The following AFF3 variants were observed in gnomAD, a reference collection of about 807,000 sequenced individuals.
AFF3 encodes ALF transcription elongation factor 3.
AFF3 carries 32 observed loss-of-function variants against 129.7 expected under a neutral mutation model. The observed-to-expected ratio is 0.25, with a 90% CI of 0.19 to 0.33. The LOEUF (loss-of-function observed/expected upper bound fraction) is 0.33. Among genes scored for constraint, AFF3 ranks in the 10% least tolerant of loss-of-function variants. The probability of loss-of-function intolerance (pLI) is 1.00; values close to 1 mark genes in which losing one functional copy is unlikely to be tolerated. For missense variants in AFF3, 1,373 were observed against 1,592.0 expected, an observed-to-expected ratio of 0.86 and a Z score of 2.34; for synonymous variants, 644 against 635.4, an observed-to-expected ratio of 1.01 and a Z score of -0.20.
At chr2:99,684,521 C>A (rs1674854223) in intron 11 of AFF3, among the ~76,000 whole-genome samples, 1 of 152,074 alleles carries the variant, frequency 6.6e-6, no homozygotes, top group Non-Finnish European at 1.5e-5. Flanking sequence ...AAAAAGACTT[C>A]AATGTTCCAT....
intron 14 of AFF3, among the ~76,000 whole-genome samples, chr2:99,595,382 C>G (rs1322953159): frequency 1.3e-5 from 2 of 152,102 alleles, no homozygotes; most frequent in African/African-American, 4.8e-5. Context: ...TTCCCTATGG[C>G]CTTCCACCTT....
intron 13 of AFF3, among the ~76,000 whole-genome samples, chr2:99,605,868 T>TA (rs1680284898): frequency 6.6e-6 from 1 of 151,742 alleles, no homozygotes; most frequent in Non-Finnish European, 1.5e-5. Context: ...TTTTTTTTTT[T>TA]ATAAAGACAG....
At chr2:100,095,459 T>C (rs1363334218) in intron 4 of AFF3, among the ~76,000 whole-genome samples, 2 of 152,228 alleles carry the variant, frequency 1.3e-5, no homozygotes, top group Non-Finnish European at 2.9e-5. Context: ...AGATACCAAC[T>C]ATGGCCCCAA....
chr2:99,830,277 TTAAAG>T (rs1371781686), intron 8 of AFF3, among the ~76,000 whole-genome samples: 1 of 151,250 alleles, frequency 6.6e-6, no homozygotes, highest in African/African-American at 2.4e-5. Context: ...ATCCCAGAGC[TTAAAG>T]TAAAAAAAAA....
intron 7 of AFF3, among the ~76,000 whole-genome samples, chr2:99,919,914 A>C (rs1695738494): frequency 6.6e-6 from 1 of 152,156 alleles, no homozygotes; most frequent in African/African-American, 2.4e-5. Flanking sequence ...ACAAAAATTT[A>C]AAGTATGAGG....
chr2:99,805,311 G>A (rs909703860), intron 8 of AFF3, among the ~76,000 whole-genome samples: 1 of 152,090 alleles, frequency 6.6e-6, no homozygotes, highest in South Asian at 2.1e-4. Context: ...CTTCGTTTAA[G>A]TTCAACTTAA....
At chr2:100,055,544 T>G (rs1174633175) in intron 4 of AFF3, among the ~76,000 whole-genome samples, 1 of 151,438 alleles carries the variant, frequency 6.6e-6, no homozygotes, top group Non-Finnish European at 1.5e-5. Flanking sequence ...TTGGAGGGGC[T>G]GAGGAGGAAA....
intron 17 of AFF3, among the ~76,000 whole-genome samples, chr2:99,581,902 T>C (rs1677596207): frequency 6.8e-6 from 1 of 147,266 alleles, no homozygotes; most frequent in Admixed American, 6.8e-5. Flanking sequence ...TCGCCCAGGC[T>C]GGAGTGCAGT....
chr2:99,723,309 C>T (rs1679073583), intron 11 of AFF3, among the ~76,000 whole-genome samples: 2 of 152,298 alleles, frequency 1.3e-5, no homozygotes, highest in South Asian at 2.1e-4. Context: ...CATGATCGAT[C>T]TCCCGTTTTT....
intron 10 of AFF3, among the ~76,000 whole-genome samples, chr2:99,734,243 T>C (rs917961395): frequency 1.3e-5 from 2 of 152,048 alleles, no homozygotes; most frequent in African/African-American, 2.4e-5. Flanking sequence ...ATGAAATTAA[T>C]TGTGTATACA....
At chr2:100,039,965 T>C (rs912459327) in intron 4 of AFF3, among the ~76,000 whole-genome samples, 8 of 152,178 alleles carry the variant, frequency 5.3e-5, no homozygotes, top group African/African-American at 9.6e-5. Flanking sequence ...GTCTGTCAAA[T>C]TGTGTTTTCA....
intron 7 of AFF3, among the ~76,000 whole-genome samples, chr2:99,866,423 G>C (rs1318384430): frequency 3.3e-5 from 5 of 152,184 alleles, no homozygotes; most frequent in Non-Finnish European, 5.9e-5. Context: ...AGCTGGTCTG[G>C]GACGACGCCT....
At chr2:99,747,163 G>A (rs997131007) in intron 9 of AFF3, among the ~76,000 whole-genome samples, 1 of 151,930 alleles carries the variant, frequency 6.6e-6, no homozygotes, top group Non-Finnish European at 1.5e-5. Context: ...CGAGTAGCTG[G>A]GATTACAGGC....
At chr2:100,092,465 A>T (rs571394973) in intron 4 of AFF3, among the ~76,000 whole-genome samples, 8 of 152,202 alleles carry the variant, frequency 5.3e-5, no homozygotes, top group African/African-American at 1.9e-4. Flanking sequence ...TAGAAATAAT[A>T]AAAAAATGCA....
chr2:100,077,843 G>C (rs916379326), intron 4 of AFF3, among the ~76,000 whole-genome samples: 17 of 152,048 alleles, frequency 1.1e-4, no homozygotes, highest in South Asian at 4.2e-4. Flanking sequence ...TTTAAGCCAA[G>C]CCTCTAATTT....
chr2:99,648,558 AG>A (rs1684899664), intron 13 of AFF3, among the ~76,000 whole-genome samples: 1 of 152,172 alleles, frequency 6.6e-6, no homozygotes. Flanking sequence ...GTCATGGGGA[AG>A]GTTTTGTAAT....
At chr2:99,568,709 G>C (rs1676205104) in intron 19 of AFF3, 143 bp downstream of exon 19, 2 of 769,284 alleles carry the variant, frequency 2.6e-6, no homozygotes, top group Non-Finnish European at 4.4e-6. Context: ...ATGAACATTT[G>C]ATTATATAAA....
In AFF3 at chr2:99,892,667, A is replaced by G. The variant is rs1693660073; in HGVS notation, c.874-55143T>C. ...TTCTACTCGCATTCCCTCCCCAGCA[A>G]CACCTGCCCTGGACGGCAGTTCCAG... On this transcript the variant is annotated intron_variant, in intron 7 of 24. Transcript: ENST00000672756. 2.0e-5 allele frequency among the ~76,000 whole-genome samples: 3 copies of G among 152,108 alleles called. No homozygotes were observed. The South Asian group carries it at 6.2e-4, about 32-fold the overall frequency.
chr2:99,796,723 C>T (rs915472465), intron 8 of AFF3, among the ~76,000 whole-genome samples: 1 of 151,924 alleles, frequency 6.6e-6, no homozygotes, highest in Non-Finnish European at 1.5e-5. Context: ...CTGAGTGGCA[C>T]AAGTACATGA....
Sources: gnomAD v4.1 joint callset for allele counts (sites outside exome capture counted in the v4.1 genomes callset) on GRCh38, gnomAD v4.1.1 for gene constraint, MANE v1.5 for transcripts, NCBI Gene and HGNC (gene_info 2026-07-23, HGNC 2026-07-21) for gene names.